Variants in TBC1D22A observed in about 807,000 individuals in gnomAD.
TBC1D22A encodes TBC1 domain family member 22A, also known as putative GTPase activator.
Under a neutral mutation model 60.2 loss-of-function variants are expected in TBC1D22A, and 38 were observed. That is an observed-to-expected ratio of 0.63 (90% confidence interval 0.49 to 0.83). The LOEUF is 0.83. Among genes scored for constraint, TBC1D22A ranks in the 40% least tolerant of loss-of-function variants. TBC1D22A has a pLI of 0.00. For missense variants in TBC1D22A, 628 were observed against 701.0 expected, an observed-to-expected ratio of 0.90 and a Z score of 1.18; for synonymous variants, 302 against 281.7, an observed-to-expected ratio of 1.07 and a Z score of -0.72.
At chr22:47,032,585 G>T (rs2062514595) in intron 10 of TBC1D22A, among the ~76,000 whole-genome samples, 1 of 152,230 alleles carries the variant, frequency 6.6e-6, no homozygotes, top group African/African-American at 2.4e-5. Flanking sequence ...TGTGTAAAAT[G>T]TGGGCACAGC....
chr22:46,892,862 C>T (rs1304512770), intron 6 of TBC1D22A, among the ~76,000 whole-genome samples: 1 of 152,184 alleles, frequency 6.6e-6, no homozygotes, highest in African/African-American at 2.4e-5. Context: ...ATTGTGAATT[C>T]CCAGACTATT....
intron 10 of TBC1D22A, among the ~76,000 whole-genome samples, chr22:47,004,758 C>G (rs1258965250): frequency 6.8e-6 from 1 of 147,700 alleles, no homozygotes; most frequent in African/African-American, 2.6e-5. Context: ...ATACACATCT[C>G]TATATACACA....
intron 1 of TBC1D22A, among the ~76,000 whole-genome samples, chr22:46,772,624 A>G (rs895065574): frequency 4.2e-5 from 6 of 143,876 alleles, no homozygotes; most frequent in African/African-American, 1.0e-4. Flanking sequence ...ACATATATAC[A>G]CAAACACACA....
chr22:47,123,206 A>G (rs1249274722), intron 12 of TBC1D22A, among the ~76,000 whole-genome samples: 2 of 152,210 alleles, frequency 1.3e-5, no homozygotes, highest in Non-Finnish European at 2.9e-5. Flanking sequence ...GCCTGAAAAC[A>G]GAGAGCACCA....
chr22:47,132,601 G>A (rs1011953730), intron 12 of TBC1D22A, among the ~76,000 whole-genome samples: 11 of 152,214 alleles, frequency 7.2e-5, no homozygotes, highest in African/African-American at 2.7e-4. Context: ...CCTGGGTCCT[G>A]CTTCTCCCCA....
chr22:47,164,132 G>A (rs1363852815), intron 12 of TBC1D22A, among the ~76,000 whole-genome samples: 3 of 152,266 alleles, frequency 2.0e-5, no homozygotes, highest in Non-Finnish European at 4.4e-5. Flanking sequence ...CGCCAAGGGT[G>A]AGGCAAAGCT....
chr22:46,939,162 G>A (rs1602565313), intron 8 of TBC1D22A, among the ~76,000 whole-genome samples: 1 of 152,198 alleles, frequency 6.6e-6, no homozygotes, highest in African/African-American at 2.4e-5. Context: ...CAGGAAAATT[G>A]GCAGAGGAAG....
Position 47,009,344 on chromosome 22 carries a change from C to A in TBC1D22A, c.1201+11635C>A, listed in dbSNP as rs1447037265. On this transcript the variant is annotated intron_variant, in intron 10 of 12. Coordinates refer to ENST00000337137, the MANE Select transcript of TBC1D22A (RefSeq NM_014346.5). The surrounding 1 kb of genome is among the most constrained non-coding windows in gnomAD (Gnocchi z 5.8). ...GTCATCATCACCATCATTATGTCAT[C>A]ACCACCATCATCATCACCATCACCA... Among the ~76,000 whole-genome samples the A allele has an allele frequency of 1.3e-5, 2 of 151,832 alleles. No individual in the cohort carries two copies. The highest frequency in any genetic ancestry group is 2.9e-5 in the Non-Finnish European group (2 of 67,966).
In TBC1D22A at chr22:46,948,759, C is replaced by T. The variant is rs76061161; in HGVS notation, c.1016-25531C>T. Among the ~76,000 whole-genome samples the T allele has an allele frequency of 2.1e-3, 317 of 152,288 alleles. 5 individuals carry two copies. The highest frequency in any genetic ancestry group is 7.4e-3 in the African/African-American group (307 of 41,554). On this transcript the variant is annotated intron_variant, in intron 8 of 12. Coordinates refer to ENST00000337137, the MANE Select transcript of TBC1D22A (RefSeq NM_014346.5). ...GCCTGCTCCTATTGTTAAGAGGCCC[C>T]GTGAGACAGGTAAAGACCGTGCCTT...
intron 4 of TBC1D22A, among the ~76,000 whole-genome samples, chr22:46,831,109 T>C (rs2086290252): frequency 6.6e-6 from 1 of 152,136 alleles, no homozygotes; most frequent in African/African-American, 2.4e-5. Context: ...CACTGGGTCC[T>C]GGCACCATGA....
At chr22:47,102,485 G>C (rs745434020) in intron 11 of TBC1D22A, among the ~76,000 whole-genome samples, 1 of 152,226 alleles carries the variant, frequency 6.6e-6, no homozygotes, top group South Asian at 2.1e-4. Context: ...TTCCCACTGA[G>C]TGCTGGGTGA....
intron 3 of TBC1D22A, among the ~76,000 whole-genome samples, chr22:46,794,367 C>T (rs2084558948): frequency 6.6e-6 from 1 of 152,204 alleles, no homozygotes. Context: ...TTGGGTCGGC[C>T]ACGTTTGCAC....
At chr22:46,907,911 G>A (rs1450485460) in intron 7 of TBC1D22A, among the ~76,000 whole-genome samples, 1 of 152,180 alleles carries the variant, frequency 6.6e-6, no homozygotes, top group East Asian at 1.9e-4. Flanking sequence ...TTTGGGAGAC[G>A]GGGATTCCAG....
At chr22:47,070,084 C>A (rs1296903766) in intron 11 of TBC1D22A, among the ~76,000 whole-genome samples, 3 of 113,404 alleles carry the variant, frequency 2.6e-5, no homozygotes, top group Non-Finnish European at 5.3e-5. Context: ...TGGACGCTGT[C>A]CCCTGTTGTT....
At chr22:46,938,435 A>G (rs541297494) in intron 8 of TBC1D22A, among the ~76,000 whole-genome samples, 35 of 152,272 alleles carry the variant, frequency 2.3e-4, no homozygotes, top group Non-Finnish European at 4.4e-4. Flanking sequence ...GATGAAATAG[A>G]CGAGTGATGC....
intron 4 of TBC1D22A, among the ~76,000 whole-genome samples, chr22:46,801,158 A>C (rs550633478): frequency 6.6e-6 from 1 of 152,362 alleles, no homozygotes; most frequent in South Asian, 2.1e-4. Flanking sequence ...GTAAATATCA[A>C]ATCTAAAACC....
At chr22:47,108,369 A>G (rs1295288324) in intron 11 of TBC1D22A, among the ~76,000 whole-genome samples, 3 of 152,252 alleles carry the variant, frequency 2.0e-5, no homozygotes, top group African/African-American at 2.4e-5. Context: ...CTCAGCATGT[A>G]TAGAAATGAT....
intron 10 of TBC1D22A, among the ~76,000 whole-genome samples, chr22:47,027,560 T>A (rs2062300524): frequency 6.6e-6 from 1 of 152,082 alleles, no homozygotes; most frequent in East Asian, 1.9e-4. Flanking sequence ...CTTAGCCTGG[T>A]TGGGGTGGGA....
At chr22:46,968,875 A>G (rs1204719386) in intron 8 of TBC1D22A, among the ~76,000 whole-genome samples, 1 of 152,148 alleles carries the variant, frequency 6.6e-6, no homozygotes, top group African/African-American at 2.4e-5. Flanking sequence ...AATATCCTCC[A>G]TTTCAAAAAC....
Sources: allele counts gnomAD v4.1 joint callset (sites outside exome capture counted in the v4.1 genomes callset), GRCh38; gene constraint gnomAD v4.1.1; non-coding constraint Gnocchi (gnomAD v3.1); transcripts MANE v1.5; gene names NCBI Gene and HGNC (gene_info 2026-07-23, HGNC 2026-07-21).